The following GPR176 variants were observed in gnomAD, a reference collection of about 807,000 sequenced individuals.
GPR176 encodes G protein-coupled receptor 176, also known as G-protein coupled receptor 176.
Under a neutral mutation model 35.4 loss-of-function variants are expected in GPR176, and 26 were observed. The observed-to-expected ratio is 0.74, with a 90% CI of 0.54 to 1.02. GPR176 has a LOEUF of 1.02. Among genes scored for constraint, GPR176 ranks in the 50% least tolerant of loss-of-function variants. The pLI is 0.00. For synonymous variants in GPR176, 278 were observed against 271.3 expected, an observed-to-expected ratio of 1.02 and a Z score of -0.24; for missense variants, 597 against 665.3, an observed-to-expected ratio of 0.90 and a Z score of 1.13.
chr15:39,810,210 A>G (rs914568135), intron 1 of GPR176, among the ~76,000 whole-genome samples: 2 of 152,044 alleles, frequency 1.3e-5, no homozygotes, highest in Non-Finnish European at 2.9e-5. Context: ...ATGTTTACCT[A>G]TGGAACAGAC....
In GPR176 at chr15:39,910,515, G is replaced by A. The variant is rs543406092; in HGVS notation, c.172+9340C>T. Among the ~76,000 whole-genome samples, 24 of 151,474 alleles carry A rather than the reference G, an allele frequency of 1.6e-4. No individual in the cohort carries two copies. The South Asian group carries it at 2.7e-3, about 17-fold the overall frequency. ...GGAGGTTGCAGTGAGCTGAGATCAC[G>A]CCACTCTACTCCAGCCTGGGCAACA... is the stretch of plus-strand genomic sequence containing the variant. On this transcript the variant is annotated intron_variant, in intron 1 of 2. Coordinates refer to ENST00000561100, the MANE Select transcript of GPR176 (RefSeq NM_007223.3).
intron 2 of GPR176, 67 bp from the exon 3 acceptor site, chr15:39,802,321 C>A: frequency 8.0e-7 from 1 of 1,245,696 alleles, no homozygotes. Flanking sequence ...ACCTAAATCA[C>A]CAAAAGTAGA....
In GPR176 at chr15:39,801,720, A is replaced by G. The variant is rs939700247; in HGVS notation, c.960T>C (p.Phe320=). Residue 320 remains phenylalanine, a synonymous_variant, in exon 3 of 3, where the codon TTT becomes TTC. Transcript: ENST00000561100. ...TGCGGACAGATTTGTTCACAGTAAG[A>G]AAGAGAACAGGGTTTGCCAGCAGGG... ...KVSLLANPVL[F]LTVNKSVRKC... The G allele has an allele frequency of 6.2e-7, 1 of 1,613,754 alleles. No homozygotes were observed. Among genetic ancestry groups the G allele is most frequent in the African/African-American group, 1.3e-5 (1 of 75,028 alleles).
In GPR176 at chr15:39,801,526, T is replaced by C; in HGVS notation, c.1154A>G (p.Glu385Gly). 2 of 1,614,176 alleles carry C rather than the reference T, an allele frequency of 1.2e-6. No individual in the cohort carries two copies. Among genetic ancestry groups the C allele is most frequent in the Non-Finnish European group, 1.7e-6 (2 of 1,180,000 alleles). The change falls in exon 3 of 3, where the codon GAG (glutamate) becomes GGG (glycine). Residue 385 changes from glutamate (E) to glycine (G), a missense_variant. By Grantham distance (98) the Glu-to-Gly change is moderately conservative. Transcript: ENST00000561100. ...IGQQQIFKPT[E>G]DEEESEAKYI... ...CTTGGCCTCACTCTCTTCCTCATCCTCTGTGGGCTTAAAGATCTGCTGCTG... is the reference window on the plus strand; with the variant it reads ...CTTGGCCTCACTCTCTTCCTCATCCCCTGTGGGCTTAAAGATCTGCTGCTG...
chr15:39,876,530 T>A (rs1339869747), intron 1 of GPR176, among the ~76,000 whole-genome samples: 1 of 152,110 alleles, frequency 6.6e-6, no homozygotes, highest in East Asian at 1.9e-4. Context: ...ATGTTAATGA[T>A]GTTGATGTTT....
intron 1 of GPR176, among the ~76,000 whole-genome samples, chr15:39,872,080 T>C: frequency 6.6e-6 from 1 of 152,206 alleles, no homozygotes; most frequent in Admixed American, 6.5e-5. Context: ...AATACAAAGA[T>C]TCCTAAAACA....
At chr15:39,825,132 A>G (rs1436646740) in intron 1 of GPR176, among the ~76,000 whole-genome samples, 1 of 152,158 alleles carries the variant, frequency 6.6e-6, no homozygotes. Flanking sequence ...ACTTGAGACC[A>G]GGAGGCCAGG....
At chr15:39,841,476 T>C (rs1156905650) in intron 1 of GPR176, among the ~76,000 whole-genome samples, 4 of 151,622 alleles carry the variant, frequency 2.6e-5, no homozygotes, top group African/African-American at 9.7e-5. Flanking sequence ...AAAGGGGAGA[T>C]TTGTCCGCAG....
chr15:39,807,330 G>T, intron 1 of GPR176, 72 bp from the exon 2 acceptor site: 1 of 1,053,314 alleles, frequency 9.5e-7, no homozygotes, highest in Non-Finnish European at 1.3e-6. Flanking sequence ...AAAAAGTACA[G>T]GTTAAAAAAT....
Position 39,800,227 on chromosome 15 carries a change from T to C in GPR176, c.*905A>G, listed in dbSNP as rs1484392621. On this transcript the variant is annotated 3_prime_UTR_variant, in exon 3 of 3. Coordinates refer to ENST00000561100, the MANE Select transcript of GPR176 (RefSeq NM_007223.3). ...AGATGATTTTTTCAATATATTTGACTCATACTGGTTGTTACATAGCACCTT... is the reference window on the plus strand; with the variant it reads ...AGATGATTTTTTCAATATATTTGACCCATACTGGTTGTTACATAGCACCTT... 1 of 152,162 alleles carries C rather than the reference T, an allele frequency of 6.6e-6. No homozygotes were observed. Among genetic ancestry groups the C allele is most frequent in the African/African-American group, 2.4e-5 (1 of 41,412 alleles). The allele number at this position is 152,162 out of a possible 1,614,324, so 9.4% of individuals were successfully genotyped here. A position where few individuals can be genotyped will look rare whatever the true frequency, so the allele number is the denominator to read the frequency against.
chr15:39,916,054 T>C (rs1279353076), intron 1 of GPR176, among the ~76,000 whole-genome samples: 3 of 152,142 alleles, frequency 2.0e-5, no homozygotes, highest in Admixed American at 6.5e-5. Context: ...TCAGAGGTAA[T>C]AGGCTAGATC....
intron 1 of GPR176, among the ~76,000 whole-genome samples, chr15:39,834,342 T>C (rs275760): frequency 0.94 from 143,805 of 152,246 alleles, 68,196 homozygotes; most frequent in Non-Finnish European, 0.99. Context: ...ATCAATTATT[T>C]TCCATTTTCA....
intron 1 of GPR176, among the ~76,000 whole-genome samples, chr15:39,877,897 T>C (rs1421788262): frequency 1.3e-5 from 2 of 152,198 alleles, no homozygotes; most frequent in Admixed American, 1.3e-4. Flanking sequence ...CATGCAGTAT[T>C]TCCCAACAGA....
At chr15:39,802,391 A>G (rs985945215) in intron 2 of GPR176, 137 bp from the exon 3 acceptor site, 3 of 680,320 alleles carry the variant, frequency 4.4e-6, no homozygotes, top group African/African-American at 1.8e-5. Context: ...CACTGGGGGA[A>G]TCCAGGAAGC....
At chr15:39,895,105 A>G (rs114883927) in intron 1 of GPR176, among the ~76,000 whole-genome samples, 12,860 of 152,218 alleles carry the variant, frequency 0.084, 934 homozygotes, top group Admixed American at 0.21. Context: ...CTGCAATCGC[A>G]GGTACTCGGC....
intron 1 of GPR176, among the ~76,000 whole-genome samples, chr15:39,839,732 G>A (rs935526198): frequency 3.3e-5 from 5 of 152,148 alleles, no homozygotes; most frequent in African/African-American, 9.7e-5. Context: ...CTACCCATCT[G>A]ACAAAGGGCT....
chr15:39,918,989 T>A (rs1287058946), intron 1 of GPR176, among the ~76,000 whole-genome samples: 1 of 152,232 alleles, frequency 6.6e-6, no homozygotes, highest in Non-Finnish European at 1.5e-5. Context: ...GGAAGCCACA[T>A]ATATCCAAGT....
At chr15:39,868,687 A>C (rs1377066612) in intron 1 of GPR176, among the ~76,000 whole-genome samples, 1 of 152,160 alleles carries the variant, frequency 6.6e-6, no homozygotes, top group Non-Finnish European at 1.5e-5. Flanking sequence ...AGACATCTTT[A>C]ATTAGTGCTA....
At chr15:39,911,786 C>T (rs2033584410) in intron 1 of GPR176, among the ~76,000 whole-genome samples, 1 of 152,132 alleles carries the variant, frequency 6.6e-6, no homozygotes, top group Non-Finnish European at 1.5e-5. Context: ...TGTCAATAAT[C>T]CCTAGCTTCA....
Sources: gnomAD v4.1 joint callset for allele counts (sites outside exome capture counted in the v4.1 genomes callset) on GRCh38, gnomAD v4.1.1 for gene constraint, MANE v1.5 for transcripts, NCBI Gene and HGNC (gene_info 2026-07-23, HGNC 2026-07-21) for gene names.